Variants in RCL1 observed in about 807,000 individuals in gnomAD.
The protein encoded by RCL1 is RNA terminal phosphate cyclase like 1, also known as RNA 3'-terminal phosphate cyclase-like protein.
Under a neutral mutation model 42.4 loss-of-function variants are expected in RCL1, and 24 were observed. The observed-to-expected ratio is 0.57, with a 90% CI of 0.41 to 0.80. The LOEUF (loss-of-function observed/expected upper bound fraction) is 0.80, where lower values mean the gene tolerates loss of function less well. Among genes scored for constraint, RCL1 ranks in the 30% least tolerant of loss-of-function variants. RCL1 has a pLI of 0.00. For missense variants in RCL1, 578 were observed against 467.9 expected (o/e 1.24, Z -2.17); for synonymous variants, 228 against 177.3 (o/e 1.29, Z -2.27).
chr9:4,831,749 T>C (rs1816950821), intron 3 of RCL1, among the ~76,000 whole-genome samples: 1 of 152,232 alleles, frequency 6.6e-6, no homozygotes, highest in African/African-American at 2.4e-5. Context: ...CCCCACCTGA[T>C]CCATTCTAAG....
chr9:4,793,448 G>A (rs1842864865), intron 1 of RCL1, among the ~76,000 whole-genome samples: 1 of 152,256 alleles, frequency 6.6e-6, no homozygotes, highest in African/African-American at 2.4e-5. Flanking sequence ...TGCGCTCGGC[G>A]TCTCCGGGGC....
At chr9:4,821,974 A>G (rs533682683) in intron 1 of RCL1, among the ~76,000 whole-genome samples, 3 of 152,344 alleles carry the variant, frequency 2.0e-5, no homozygotes, top group East Asian at 3.9e-4. Context: ...ACCATAGCAA[A>G]TGGGAATGAC....
At chr9:4,803,339 G>C (rs1290318992) in intron 1 of RCL1, among the ~76,000 whole-genome samples, 2 of 152,140 alleles carry the variant, frequency 1.3e-5, no homozygotes, top group East Asian at 3.8e-4. Flanking sequence ...TTCTGTATCT[G>C]AATTTCTTCT....
chr9:4,811,761 T>A (rs1402833032), intron 1 of RCL1, among the ~76,000 whole-genome samples: 3 of 152,238 alleles, frequency 2.0e-5, no homozygotes, highest in African/African-American at 7.2e-5. Flanking sequence ...TTTTAGTTTT[T>A]GAGGAATATC....
chr9:4,854,293 C>A (rs890091633), intron 8 of RCL1, among the ~76,000 whole-genome samples: 1 of 152,148 alleles, frequency 6.6e-6, no homozygotes, highest in Non-Finnish European at 1.5e-5. Flanking sequence ...GAGCAGAGGT[C>A]AGCTTGTCTT....
chr9:4,828,461 C>G (rs1816840460), intron 3 of RCL1, among the ~76,000 whole-genome samples: 1 of 151,626 alleles, frequency 6.6e-6, no homozygotes, highest in South Asian at 2.1e-4. Flanking sequence ...ACTCTTTTCC[C>G]TGGGATACTG....
intron 8 of RCL1, chr9:4,850,249 G>C (rs780542948): frequency 2.9e-5 from 15 of 516,220 alleles, no homozygotes; most frequent in African/African-American, 2.7e-4. Context: ...GCCCATCTGA[G>C]GTTGGTGAGC....
intron 1 of RCL1, among the ~76,000 whole-genome samples, chr9:4,799,375 G>T (rs1403293069): frequency 6.6e-6 from 1 of 152,096 alleles, no homozygotes; most frequent in Non-Finnish European, 1.5e-5. Flanking sequence ...AATAAATAAT[G>T]CAGAAAGATC....
At chr9:4,806,312 C>T (rs1314123336) in intron 1 of RCL1, among the ~76,000 whole-genome samples, 2 of 151,844 alleles carry the variant, frequency 1.3e-5, no homozygotes, top group African/African-American at 4.8e-5. Context: ...TGCCTTGTTC[C>T]CTATCTTAGG....
chr9:4,847,612 C>G (rs1177250941), intron 7 of RCL1, among the ~76,000 whole-genome samples: 1 of 152,242 alleles, frequency 6.6e-6, no homozygotes, highest in Non-Finnish European at 1.5e-5. Flanking sequence ...GAAGTTCTTT[C>G]CAAATCCTAA....
At chr9:4,827,405 G>A (rs1816799054) in intron 3 of RCL1, 3 of 561,614 alleles carry the variant, frequency 5.3e-6, no homozygotes, top group South Asian at 2.3e-5. Flanking sequence ...AAAATTTTGG[G>A]CAGGAGATCA....
intron 8 of RCL1, among the ~76,000 whole-genome samples, chr9:4,853,743 G>A (rs1371446724): frequency 6.6e-6 from 1 of 152,146 alleles, no homozygotes; most frequent in Non-Finnish European, 1.5e-5. Flanking sequence ...AAATTCTGCT[G>A]TAAAATGATC....
chr9:4,808,333 G>T (rs1174143800), intron 1 of RCL1, among the ~76,000 whole-genome samples: 1 of 151,290 alleles, frequency 6.6e-6, no homozygotes, highest in African/African-American at 2.4e-5. Context: ...TTTAAGACAG[G>T]GTCTCCTTCT....
intron 8 of RCL1, among the ~76,000 whole-genome samples, chr9:4,856,151 AGCTTTGCCC>A (rs1381143068): frequency 5.9e-5 from 9 of 152,210 alleles, no homozygotes; most frequent in African/African-American, 2.2e-4. Context: ...GCCAGCTGGA[AGCTTTGCCC>A]ACAGATGTGG....
intron 1 of RCL1, among the ~76,000 whole-genome samples, chr9:4,816,295 AGT>A (rs1461249471): frequency 6.6e-6 from 1 of 152,192 alleles, no homozygotes; most frequent in African/African-American, 2.4e-5. Flanking sequence ...TGACACTTTC[AGT>A]GTAGTCTTTT....
intron 8 of RCL1, among the ~76,000 whole-genome samples, chr9:4,852,236 C>T (rs1817779459): frequency 6.6e-6 from 1 of 152,104 alleles, no homozygotes; most frequent in Admixed American, 6.5e-5. Context: ...GAATAAAATA[C>T]TGTTGGATAA....
intron 1 of RCL1, among the ~76,000 whole-genome samples, chr9:4,817,469 A>ACCTTTTT (rs1563836453): frequency 1.5e-5 from 2 of 131,098 alleles, no homozygotes; most frequent in African/African-American, 5.5e-5. Context: ...TTTTTTTTTA[A>ACCTTTTT]TCTTTTTTTT....
At chr9:4,809,489 T>A (rs1439471029) in intron 1 of RCL1, among the ~76,000 whole-genome samples, 1 of 152,096 alleles carries the variant, frequency 6.6e-6, no homozygotes, top group Non-Finnish European at 1.5e-5. Context: ...TTTTGTGTTT[T>A]AGTAGAGACG....
chr9:4,804,791 G>A (rs1471129265), intron 1 of RCL1: 2 of 178,252 alleles, frequency 1.1e-5, no homozygotes, highest in Non-Finnish European at 2.4e-5. Context: ...AATTGGAAGG[G>A]ATGAAGTCCT....
Sources: gnomAD v4.1 joint callset for allele counts (sites outside exome capture counted in the v4.1 genomes callset) on GRCh38, gnomAD v4.1.1 for gene constraint, MANE v1.5 for transcripts, NCBI Gene and HGNC (gene_info 2026-07-23, HGNC 2026-07-21) for gene names.